The following ANKS1A variants were observed in gnomAD, a reference collection of about 807,000 sequenced individuals.
The protein encoded by ANKS1A is ankyrin repeat and sterile alpha motif domain containing 1A.
Under a neutral mutation model 120.3 loss-of-function variants are expected in ANKS1A, and 55 were observed. That is an observed-to-expected ratio of 0.46 (90% CI 0.37 to 0.57). The LOEUF is 0.57. Ranked by LOEUF, ANKS1A falls within the 20% of genes least tolerant of loss-of-function variation. The pLI, the probability that ANKS1A is intolerant of heterozygous loss-of-function variation, is 0.00. For missense variants in ANKS1A, 1,123 were observed against 1,480.3 expected, an observed-to-expected ratio of 0.76 and a Z score of 3.96; for synonymous variants, 590 against 604.7, an observed-to-expected ratio of 0.98 and a Z score of 0.36.
Position 34,889,740 on chromosome 6 carries a change from G to A in ANKS1A, c.197+141G>A. The A allele has an allele frequency of 8.9e-7, 1 of 1,122,542 alleles. No individual in the cohort carries two copies. The highest frequency in any genetic ancestry group is 4.6e-5 in the Admixed American group (1 of 21,518). 69.5% of individuals were successfully genotyped at this position (1,122,542 alleles called of 1,614,324 possible). On this transcript the variant is annotated intron_variant, in intron 1 of 23. Coordinates refer to ENST00000360359, the MANE Select transcript of ANKS1A (RefSeq NM_015245.3). The surrounding 1 kb of genome is among the most constrained non-coding windows in gnomAD (Gnocchi z 5.5). ...GCCCGGGGCGAGGCAGGCGGCCCGC[G>A]GGCCAGGGTACCGGAGGGCGCGCAG...
At chr6:35,055,333 A>ATTT (rs144716150) in intron 12 of ANKS1A, among the ~76,000 whole-genome samples, 2 of 149,576 alleles carry the variant, frequency 1.3e-5, no homozygotes, top group Non-Finnish European at 3.0e-5. Flanking sequence ...ATAAAAAAAA[A>ATTT]TTTTTTTTTT....
At position 34,970,038 on chromosome 6, in the gene ANKS1A, G is replaced by A. The variant is rs758851698; in HGVS notation, c.307G>A (p.Asp103Asn). ...TGTGGTCGAGGTTCTTCTGAGGAAC[G>A]ATGCGCTGACCAACGTGGCTGACTC... Reference protein sequence around the residue: ...KDVVEVLLRNDALTNVADSKG... With the variant: ...KDVVEVLLRNNALTNVADSKG... The change falls in exon 3 of 24, where the codon GAT becomes AAT. Residue 103 changes from aspartate (D) to asparagine (N), a missense_variant. Transcript: ENST00000360359. The A allele has an allele frequency of 3.1e-6, 5 of 1,614,046 alleles. No homozygotes were observed. The highest frequency in any genetic ancestry group is 4.2e-6 in the Non-Finnish European group (5 of 1,179,964).
rs972569273 is a variant in ANKS1A at position 35,090,803 on chromosome 6, C to T, written c.*2194C>T. On this transcript the variant is annotated 3_prime_UTR_variant, in exon 24 of 24. Coordinates refer to ENST00000360359, the MANE Select transcript of ANKS1A (RefSeq NM_015245.3). The stretch of plus-strand genomic sequence containing the variant: ...TTTCTGAACTGTGAAGGAGCCCATT[C>T]GGGTGGGAGACTTCAGATGGGCTCA... 10 of 985,760 alleles carry T rather than the reference C, an allele frequency of 1.0e-5. No individual in the cohort carries two copies. Among genetic ancestry groups the T allele is most frequent in the Admixed American group, 1.2e-4 (2 of 16,302 alleles). 61.1% of individuals were successfully genotyped at this position (985,760 alleles called of 1,614,324 possible).
chr6:35,022,085 G>T (rs1774374660), intron 11 of ANKS1A, among the ~76,000 whole-genome samples: 1 of 152,094 alleles, frequency 6.6e-6, no homozygotes, highest in African/African-American at 2.4e-5. Context: ...CCCTTCAACT[G>T]GTGATCCTCC....
chr6:34,996,204 CATTG>C (rs1433195762), intron 10 of ANKS1A, among the ~76,000 whole-genome samples: 1 of 152,072 alleles, frequency 6.6e-6, no homozygotes, highest in East Asian at 1.9e-4. Flanking sequence ...TGATGTTGAG[CATTG>C]ATTAATGTGA....
At chr6:35,091,780 C>G (rs1778314622), downstream of ANKS1A, among the ~76,000 whole-genome samples, 1 of 152,216 alleles carries the variant, frequency 6.6e-6, no homozygotes, top group Admixed American at 6.5e-5. Context: ...GGATCTAGAG[C>G]TGTGAAAGAA....
At chr6:35,064,426 G>A (rs1411572227) in intron 13 of ANKS1A, among the ~76,000 whole-genome samples, 1 of 152,220 alleles carries the variant, frequency 6.6e-6, no homozygotes, top group African/African-American at 2.4e-5. Context: ...GGCCCCCGCT[G>A]TCTTCCTGTG....
chr6:34,975,175 C>G (rs1771492830), intron 3 of ANKS1A, among the ~76,000 whole-genome samples: 1 of 152,174 alleles, frequency 6.6e-6, no homozygotes, highest in Admixed American at 6.5e-5. Context: ...AAAGCTGAGG[C>G]CAGGTGCTGG....
chr6:35,021,085 T>G (rs556352015), intron 11 of ANKS1A, among the ~76,000 whole-genome samples: 48 of 152,318 alleles, frequency 3.2e-4, no homozygotes, highest in African/African-American at 1.1e-3. Context: ...AAAGAGAAAC[T>G]CCAAAAGTGT....
At chr6:34,958,514 A>G (rs978856419) in intron 1 of ANKS1A, among the ~76,000 whole-genome samples, 1 of 152,138 alleles carries the variant, frequency 6.6e-6, no homozygotes. Flanking sequence ...GGCCATCACA[A>G]CAGTATAGTG....
rs117276610 is a variant in ANKS1A, at chr6:34,958,623, C to T, written c.198-8616C>T. Among the ~76,000 whole-genome samples, 151 of 152,302 alleles carry T rather than the reference C, an allele frequency of 9.9e-4. 2 individuals carry two copies. In the East Asian group the frequency reaches 0.025, roughly 26 times the overall value. ...TTATTCCCCGCTTGAATCTCTTCAG[C>T]GGCATACAGGACCCTTTCTGATTTG... On this transcript the variant is annotated intron_variant, in intron 1 of 23. Coordinates refer to ENST00000360359, the MANE Select transcript of ANKS1A (RefSeq NM_015245.3).
chr6:35,068,232 A>G (rs1299904875), intron 13 of ANKS1A, among the ~76,000 whole-genome samples: 1 of 152,188 alleles, frequency 6.6e-6, no homozygotes, highest in Non-Finnish European at 1.5e-5. Context: ...TGTATTATTC[A>G]AGAAACTCAA....
Position 34,970,115 on chromosome 6 carries a change from A to G in ANKS1A, c.384A>G (p.Ile128Met). 1 of 1,614,100 alleles carries G rather than the reference A, an allele frequency of 6.2e-7. No homozygotes were observed. The highest frequency in any genetic ancestry group is 8.5e-7 in the Non-Finnish European group (1 of 1,179,994). ...HLAAWKGDAQ[I>M]VRLLIHQGPS... ...CAGCCTGGAAAGGAGATGCCCAGAT[A>G]GTGCGGTTGCTCATCCATCAAGGGC... Residue 128 changes from isoleucine (I) to methionine (M), a missense_variant, in exon 3 of 24, where the codon ATA becomes ATG. Around this residue, in one of 3 missense-constraint regions of ANKS1A, gnomAD observed 146 missense variants for 267.8 expected, o/e 0.55. Transcript: ENST00000360359.
chr6:34,990,648 C>T (rs529436403), intron 9 of ANKS1A, among the ~76,000 whole-genome samples: 2 of 152,214 alleles, frequency 1.3e-5, no homozygotes, highest in South Asian at 4.1e-4. Flanking sequence ...GGATTATACC[C>T]AGAACTTTCT....
At chr6:34,894,567 G>A (rs551492032) in intron 1 of ANKS1A, among the ~76,000 whole-genome samples, 19 of 152,266 alleles carry the variant, frequency 1.2e-4, no homozygotes, top group Middle Eastern at 3.4e-3. Flanking sequence ...TGGGAGGATT[G>A]CTTGAGTCTG....
In ANKS1A at chr6:35,079,680, CT is replaced by C; in HGVS notation, c.2436+13del. ...TAGAGCTCGTCAATGTGAGTAGTCC[CT>C]GCGTGGCCCGGCCTGGACTCTCCAG... On this transcript the variant is annotated intron_variant, in intron 15 of 23. Transcript: ENST00000360359. 6.2e-7 allele frequency: 1 copy of C among 1,614,080 alleles called. No individual in the cohort carries two copies. Among genetic ancestry groups the C allele is most frequent in the Non-Finnish European group, 8.5e-7 (1 of 1,179,982 alleles).
intron 11 of ANKS1A, among the ~76,000 whole-genome samples, chr6:35,026,691 T>A (rs1462721571): frequency 6.6e-6 from 1 of 152,190 alleles, no homozygotes; most frequent in East Asian, 1.9e-4. Flanking sequence ...GTTATTGGGC[T>A]ACTTTCTCTT....
chr6:35,079,669 G>C lies in ANKS1A; in HGVS notation c.2436+1G>C. The C allele has an allele frequency of 6.2e-7, 1 of 1,614,138 alleles. No individual in the cohort carries two copies. Among genetic ancestry groups the C allele is most frequent in the Admixed American group, 1.7e-5 (1 of 60,026 alleles). ...CCTCTGGGAGCTAGAGCTCGTCAAT[G>C]TGAGTAGTCCCTGCGTGGCCCGGCC... On this transcript the variant is annotated splice_donor_variant, in intron 15 of 23. Transcript: ENST00000360359. LOFTEE classifies it high-confidence loss of function.
rs1279503625 is a variant in ANKS1A, at chr6:34,991,579, CAT to C, written c.1302+2267_1302+2268del. 2.7e-4 allele frequency among the ~76,000 whole-genome samples: 24 copies of C among 89,784 alleles called. No individual in the cohort carries two copies. The East Asian group carries it at 3.4e-3, about 13-fold the overall frequency. The allele number at this position is 89,784 out of a possible 152,430, so 58.9% of individuals were successfully genotyped here. On this transcript the variant is annotated intron_variant, in intron 9 of 23. Transcript: ENST00000360359. ...ACACACACACACACACACACACACA[CAT>C]ATACACATATATATATACACACATA...
Sources: gnomAD v4.1 joint callset for allele counts (sites outside exome capture counted in the v4.1 genomes callset) on GRCh38, gnomAD v4.1.1 for gene constraint, gnomAD v4.1.1 regional missense constraint, Gnocchi (gnomAD v3.1) non-coding constraint, MANE v1.5 for transcripts, NCBI Gene and HGNC (gene_info 2026-07-23, HGNC 2026-07-21) for gene names.